ANKS1A: variants seen among roughly 807,000 people sequenced by gnomAD.
The protein encoded by ANKS1A is ankyrin repeat and sterile alpha motif domain containing 1A, also known as ankyrin repeat and SAM domain-containing protein 1A.
Under a neutral mutation model 120.3 loss-of-function variants are expected in ANKS1A, and 55 were observed. The observed-to-expected ratio is 0.46, with a 90% CI of 0.37 to 0.57. The LOEUF is 0.57. ANKS1A is among the 20% of genes least tolerant of loss of function. The pLI, the probability that ANKS1A is intolerant of heterozygous loss-of-function variation, is 0.00. For synonymous variants in ANKS1A, 590 were observed against 604.7 expected, an observed-to-expected ratio of 0.98 and a Z score of 0.36; for missense variants, 1,123 against 1,480.3, an observed-to-expected ratio of 0.76 and a Z score of 3.96.
At position 35,085,399 on chromosome 6, in the gene ANKS1A, G is replaced by A. The variant is rs1166381486; in HGVS notation, c.3133-367G>A. Among the ~76,000 whole-genome samples the A allele has an allele frequency of 6.6e-6, 1 of 152,182 alleles. No individual in the cohort carries two copies. The highest frequency in any genetic ancestry group is 2.4e-5 in the African/African-American group (1 of 41,434). ...ATGGGGAAATGGAGTTAGGGGCACA[G>A]CACTCACAGACTTTGTCGGTGACAC... On this transcript the variant is annotated intron_variant, in intron 21 of 23. Coordinates refer to ENST00000360359, the MANE Select transcript of ANKS1A (RefSeq NM_015245.3). The surrounding 1 kb of genome is among the most constrained non-coding windows in gnomAD (Gnocchi z 4.7).
intron 1 of ANKS1A, among the ~76,000 whole-genome samples, chr6:34,901,711 A>G (rs1218986483): frequency 6.6e-6 from 1 of 152,108 alleles, no homozygotes; most frequent in Non-Finnish European, 1.5e-5. Context: ...GAGTCTTGCC[A>G]TGTTTCCCAG....
At chr6:35,040,948 T>C (rs1275629991) in intron 11 of ANKS1A, among the ~76,000 whole-genome samples, 1 of 152,230 alleles carries the variant, frequency 6.6e-6, no homozygotes, top group African/African-American at 2.4e-5. Context: ...GAAGGAATAA[T>C]GTTTTCCAGT....
At chr6:35,055,333 ATT>A (rs144716150) in intron 12 of ANKS1A, among the ~76,000 whole-genome samples, 1 of 149,568 alleles carries the variant, frequency 6.7e-6, no homozygotes. Flanking sequence ...ATAAAAAAAA[ATT>A]TTTTTTTTTT....
At chr6:34,910,072 T>A (rs1276947569) in intron 1 of ANKS1A, among the ~76,000 whole-genome samples, 1 of 152,156 alleles carries the variant, frequency 6.6e-6, no homozygotes, top group East Asian at 1.9e-4. Context: ...TTTAGGAAGA[T>A]CACTTCAGAT....
chr6:35,057,903 C>A lies in ANKS1A; in HGVS notation c.2078-2244C>A, dbSNP rs1233646873. Among the ~76,000 whole-genome samples the A allele has an allele frequency of 1.3e-5, 2 of 152,206 alleles. No homozygotes were observed. The highest frequency in any genetic ancestry group is 4.8e-5 in the African/African-American group (2 of 41,442). The stretch of plus-strand genomic sequence containing the variant: ...CTCTCCTGGCTGTCCTGGAAACTGT[C>A]GAACAAAGCTCTAGGAGCAGTCCCT... On this transcript the variant is annotated intron_variant, in intron 12 of 23. Transcript: ENST00000360359. The surrounding 1 kb of genome is among the most constrained non-coding windows in gnomAD (Gnocchi z 4.1).
chr6:34,987,244 A>T (rs1772261329), intron 8 of ANKS1A, among the ~76,000 whole-genome samples: 1 of 152,196 alleles, frequency 6.6e-6, no homozygotes, highest in Non-Finnish European at 1.5e-5. Flanking sequence ...GCCCTGCTCC[A>T]AAGTTTTCAC....
chr6:34,916,325 G>T (rs1561845868), intron 1 of ANKS1A, among the ~76,000 whole-genome samples: 2 of 152,088 alleles, frequency 1.3e-5, no homozygotes, highest in Non-Finnish European at 2.9e-5. Flanking sequence ...ACACGCTGAG[G>T]AAAGTCTGGA....
rs548647190 is a variant in ANKS1A, at chr6:34,988,423, T to C, written c.1210-801T>C. ...CATCCTGGGTAACATGGTGAAACCC[T>C]GTCTCTACTAAAAATACAAAAAATT... On this transcript the variant is annotated intron_variant, in intron 8 of 23. Transcript: ENST00000360359. Among the ~76,000 whole-genome samples the C allele has an allele frequency of 9.2e-5, 14 of 152,242 alleles. No individual in the cohort carries two copies. The East Asian group carries it at 2.7e-3, about 29-fold the overall frequency.
At chr6:35,065,454 C>T (rs928352482) in intron 13 of ANKS1A, among the ~76,000 whole-genome samples, 11 of 152,220 alleles carry the variant, frequency 7.2e-5, no homozygotes, top group African/African-American at 2.7e-4. Context: ...TTGCTGGCCT[C>T]GTTGTGAGCA....
intron 1 of ANKS1A, among the ~76,000 whole-genome samples, chr6:34,892,919 T>A (rs1766893589): frequency 6.6e-6 from 1 of 152,254 alleles, no homozygotes; most frequent in Non-Finnish European, 1.5e-5. Flanking sequence ...ACAAACTTTG[T>A]GTTCTTCTAG....
At chr6:35,078,711 T>A in intron 14 of ANKS1A, 55 bp downstream of exon 14, 1 of 1,507,668 alleles carries the variant, frequency 6.6e-7, no homozygotes, top group Non-Finnish European at 9.1e-7. Flanking sequence ...GCCACCTCCC[T>A]AGCACCACCT....
At chr6:34,957,960 A>T (rs142321329) in intron 1 of ANKS1A, among the ~76,000 whole-genome samples, 53 of 152,352 alleles carry the variant, frequency 3.5e-4, no homozygotes, top group Non-Finnish European at 6.3e-4. Flanking sequence ...GTATGCTTGT[A>T]AGAGTCAAGT....
chr6:34,991,119 G>A (rs1255157460), intron 9 of ANKS1A, among the ~76,000 whole-genome samples: 1 of 152,014 alleles, frequency 6.6e-6, no homozygotes, highest in Non-Finnish European at 1.5e-5. Flanking sequence ...TTTGTCTTTG[G>A]CAAGCTATCT....
chr6:35,017,481 C>A lies in ANKS1A; in HGVS notation c.1432C>A (p.Arg478=), dbSNP rs371173819. Residue 478 remains arginine, a synonymous_variant, in exon 11 of 24, where the codon CGG becomes AGG. Transcript: ENST00000360359. ...TCTCCGTCCACTCCAAGACCACAGG[C>A]GGAGCAGCAGCAGCCGGAGCCAGGA... ...LVDGKTKDHR[R]SSSSRSQDSA... 2 of 1,601,800 alleles carry A rather than the reference C, an allele frequency of 1.2e-6. No individual in the cohort carries two copies. The highest frequency in any genetic ancestry group is 2.7e-5 in the African/African-American group (2 of 74,594).
chr6:35,048,308 A>G (rs1053506809), intron 11 of ANKS1A, among the ~76,000 whole-genome samples: 8 of 152,158 alleles, frequency 5.3e-5, no homozygotes, highest in African/African-American at 1.4e-4. Flanking sequence ...CATGGTAACA[A>G]CCCAAATGCC....
At chr6:35,088,523 C>T (rs1430505473) in intron 23 of ANKS1A, 83 bp from the exon 24 acceptor site, 3 of 1,567,544 alleles carry the variant, frequency 1.9e-6, no homozygotes, top group African/African-American at 2.7e-5. Context: ...CTGTCCTGCT[C>T]TGTGTTTCCT....
intron 11 of ANKS1A, among the ~76,000 whole-genome samples, chr6:35,028,340 A>G (rs1581668774): frequency 2.0e-5 from 3 of 152,136 alleles, no homozygotes; most frequent in East Asian, 1.9e-4. Context: ...TTCACACTGT[A>G]CTTCAAGGGT....
At chr6:35,041,514 C>T (rs749326159) in intron 11 of ANKS1A, among the ~76,000 whole-genome samples, 1 of 152,198 alleles carries the variant, frequency 6.6e-6, no homozygotes, top group African/African-American at 2.4e-5. Flanking sequence ...TCCATAATTG[C>T]AACTTGCAAG....
rs369431821 is a variant in ANKS1A at position 35,082,903 on chromosome 6, A to G, written c.2835+87A>G. On this transcript the variant is annotated intron_variant, in intron 18 of 23. Coordinates refer to ENST00000360359, the MANE Select transcript of ANKS1A (RefSeq NM_015245.3). The surrounding 1 kb of genome is among the most constrained non-coding windows in gnomAD (Gnocchi z 4.1). ...GCGGCCAAGTCCCAGCAGGGACTCC[A>G]CAAAGCCAGGCCCAGGGCTTTTGAG... The G allele has an allele frequency of 5.2e-5, 80 of 1,544,866 alleles. 1 individual carries two copies. In the African/African-American group the frequency reaches 8.9e-4, roughly 17 times the overall value.
Sources: gnomAD v4.1 joint callset for allele counts (sites outside exome capture counted in the v4.1 genomes callset) on GRCh38, gnomAD v4.1.1 for gene constraint, Gnocchi (gnomAD v3.1) non-coding constraint, MANE v1.5 for transcripts, NCBI Gene and HGNC (gene_info 2026-07-23, HGNC 2026-07-21) for gene names.